The following KLF12 variants were observed in gnomAD, a reference collection of about 807,000 sequenced individuals.
KLF12 encodes the protein Krueppel-like factor 12.
In KLF12, 9 loss-of-function variants were observed where a neutral mutation model predicts 37.8. The observed-to-expected ratio is 0.24, with a 90% CI of 0.14 to 0.42. The LOEUF (loss-of-function observed/expected upper bound fraction) is 0.42, where lower values mean the gene tolerates loss of function less well. KLF12 is among the 10% of genes least tolerant of loss of function. The pLI is 1.00. For synonymous variants in KLF12, 208 were observed against 202.1 expected (o/e 1.03, Z -0.25); for missense variants, 411 against 516.0 (o/e 0.80, Z 1.97).
intron 6 of KLF12, among the ~76,000 whole-genome samples, chr13:73,734,332 T>C (rs1382917619): frequency 6.6e-6 from 1 of 152,100 alleles, no homozygotes; most frequent in Non-Finnish European, 1.5e-5. Context: ...TAACATTATA[T>C]GGTATATTTA....
Position 73,894,793 on chromosome 13 carries a change from G to C in KLF12, c.124-48420C>G, listed in dbSNP as rs576070281. 7.2e-5 allele frequency among the ~76,000 whole-genome samples: 11 copies of C among 152,176 alleles called. No homozygotes were observed. In the East Asian group the frequency reaches 2.1e-3, roughly 29 times the overall value. ...TTTGACTTTTTCCATTAAATATACT[G>C]TTGACTATGGGAAAAAATACCCAAT... On this transcript the variant is annotated intron_variant, in intron 3 of 7. Coordinates refer to ENST00000377669, the MANE Select transcript of KLF12 (RefSeq NM_007249.5).
At chr13:73,727,107 T>C (rs1876721322) in intron 6 of KLF12, among the ~76,000 whole-genome samples, 1 of 149,104 alleles carries the variant, frequency 6.7e-6, no homozygotes, top group African/African-American at 2.6e-5. Context: ...GTTTGACCAT[T>C]TGTAAACTGT....
chr13:73,998,056 G>A (rs1385967438), intron 1 of KLF12, among the ~76,000 whole-genome samples: 1 of 152,024 alleles, frequency 6.6e-6, no homozygotes, highest in East Asian at 1.9e-4. Context: ...TTTCTGTCTT[G>A]AAATTTCCAC....
At chr13:74,135,044 G>GC (rs1878493216), upstream of KLF12, among the ~76,000 whole-genome samples, 4 of 151,414 alleles carry the variant, frequency 2.6e-5, no homozygotes, top group South Asian at 8.3e-4. Flanking sequence ...CGCGGGCGGT[G>GC]CCCCCCGCGC....
At chr13:73,951,707 T>A (rs1444326859) in intron 2 of KLF12, among the ~76,000 whole-genome samples, 1 of 152,210 alleles carries the variant, frequency 6.6e-6, no homozygotes, top group Non-Finnish European at 1.5e-5. Context: ...AGCAGGTGCC[T>A]CTAACCACTT....
At chr13:74,034,496 A>G (rs1593845953) in intron 1 of KLF12, among the ~76,000 whole-genome samples, 1 of 152,196 alleles carries the variant, frequency 6.6e-6, no homozygotes, top group East Asian at 1.9e-4. Flanking sequence ...TATGTTGTAA[A>G]TGGTTTTTAC....
intron 1 of KLF12, among the ~76,000 whole-genome samples, chr13:74,120,478 A>AAAAAAAT (rs1877565650): frequency 6.6e-6 from 1 of 152,248 alleles, no homozygotes; most frequent in East Asian, 1.9e-4. Context: ...AGACTGTCTC[A>AAAAAAAT]AAAAAATAAA....
intron 1 of KLF12, among the ~76,000 whole-genome samples, chr13:74,068,847 G>A (rs1301284147): frequency 1.3e-5 from 2 of 152,244 alleles, no homozygotes; most frequent in Admixed American, 6.5e-5. Context: ...ATGAGCCACT[G>A]CACCCGGCCT....
chr13:73,862,148 C>A (rs539910272), intron 3 of KLF12, among the ~76,000 whole-genome samples: 59 of 151,388 alleles, frequency 3.9e-4, no homozygotes, highest in African/African-American at 1.4e-3. Context: ...ATTCACTAAG[C>A]ATCTGTCTTT....
intron 2 of KLF12, among the ~76,000 whole-genome samples, chr13:73,977,769 C>T (rs1465348345): frequency 6.6e-6 from 1 of 152,146 alleles, no homozygotes; most frequent in Non-Finnish European, 1.5e-5. Flanking sequence ...GGCAAAAGAA[C>T]AAACAAATAG....
chr13:74,223,993 G>C, the KLF12 span, among the ~76,000 whole-genome samples: 3 of 152,136 alleles, frequency 2.0e-5, no homozygotes, highest in Non-Finnish European at 4.4e-5. Context: ...CTATGTAATG[G>C]AGAACTGAAA....
At chr13:73,993,751 T>C (rs565394816) in intron 2 of KLF12, among the ~76,000 whole-genome samples, 2 of 152,226 alleles carry the variant, frequency 1.3e-5, no homozygotes, top group Admixed American at 6.5e-5. Flanking sequence ...TGAGAGCCAA[T>C]TGTTGAATTT....
chr13:73,916,237 A>G lies in KLF12; in HGVS notation c.123+27744T>C, dbSNP rs993145951. Among the ~76,000 whole-genome samples the G allele has an allele frequency of 2.5e-3, 174 of 70,822 alleles. 1 individual carries two copies. The highest frequency in any genetic ancestry group is 7.0e-3 in the African/African-American group (154 of 21,956). 46.5% of individuals were successfully genotyped at this position (70,822 alleles called of 152,430 possible). ...CACACACACACACACACACACACACACACGCACACGCACACACACACACAC... is the reference window on the plus strand; with the variant it reads ...CACACACACACACACACACACACACGCACGCACACGCACACACACACACAC... On this transcript the variant is annotated intron_variant, in intron 3 of 7. Coordinates refer to ENST00000377669, the MANE Select transcript of KLF12 (RefSeq NM_007249.5).
At chr13:73,999,810 A>G (rs570965733) in intron 1 of KLF12, among the ~76,000 whole-genome samples, 1 of 152,286 alleles carries the variant, frequency 6.6e-6, no homozygotes, top group Admixed American at 6.5e-5. Flanking sequence ...TCATCAGGCA[A>G]TCCAGGTGAC....
chr13:73,909,642 A>T (rs1437768295), intron 3 of KLF12, among the ~76,000 whole-genome samples: 1 of 152,194 alleles, frequency 6.6e-6, no homozygotes, highest in Non-Finnish European at 1.5e-5. Flanking sequence ...AAGTCAAGGG[A>T]ATTTTAATAA....
intron 1 of KLF12, among the ~76,000 whole-genome samples, chr13:74,019,085 T>C (rs189843167): frequency 2.6e-5 from 4 of 152,354 alleles, no homozygotes; most frequent in Admixed American, 1.3e-4. Flanking sequence ...TCTACATTTC[T>C]GGATCAAGGG....
the KLF12 span, among the ~76,000 whole-genome samples, chr13:74,196,832 G>A: frequency 6.6e-6 from 1 of 152,070 alleles, no homozygotes; most frequent in Admixed American, 6.5e-5. Context: ...AAAAGATACT[G>A]TAGGATATAT....
At position 73,837,785 on chromosome 13, in the gene KLF12, G is replaced by T. The variant is rs529518497; in HGVS notation, c.670+8042C>A. On this transcript the variant is annotated intron_variant, in intron 4 of 7. Coordinates refer to ENST00000377669, the MANE Select transcript of KLF12 (RefSeq NM_007249.5). ...GATAAAAATCAAATTCTAAATTGAAGAATTAACCTATGGCTAGTAGTCACC... is the reference window on the plus strand; with the variant it reads ...GATAAAAATCAAATTCTAAATTGAATAATTAACCTATGGCTAGTAGTCACC... Among the ~76,000 whole-genome samples, 8 of 152,260 alleles carry T rather than the reference G, an allele frequency of 5.3e-5. No individual in the cohort carries two copies. The South Asian group carries it at 1.7e-3, about 32-fold the overall frequency.
chr13:74,036,784 G>C (rs1162687500), intron 1 of KLF12, among the ~76,000 whole-genome samples: 1 of 152,162 alleles, frequency 6.6e-6, no homozygotes, highest in East Asian at 1.9e-4. Context: ...AATAAGACAG[G>C]GAAGAGGATG....
Sources: gnomAD v4.1 joint callset for allele counts (sites outside exome capture counted in the v4.1 genomes callset) on GRCh38, gnomAD v4.1.1 for gene constraint, MANE v1.5 for transcripts, NCBI Gene and HGNC (gene_info 2026-07-23, HGNC 2026-07-21) for gene names.